Variants in DLG4 observed in about 807,000 individuals in gnomAD.
DLG4 encodes disks large homolog 4.
DLG4 carries 7 observed loss-of-function variants against 93.8 expected under a neutral mutation model. That is an observed-to-expected ratio of 0.07 (90% CI 0.04 to 0.14). The LOEUF (loss-of-function observed/expected upper bound fraction) is 0.14. DLG4 is among the 10% of genes least tolerant of loss of function. The pLI, the probability that DLG4 is intolerant of heterozygous loss-of-function variation, is 1.00. For synonymous variants in DLG4, 341 were observed against 387.6 expected, an observed-to-expected ratio of 0.88 and a Z score of 1.41; for missense variants, 545 against 992.9, an observed-to-expected ratio of 0.55 and a Z score of 6.06.
chr17:7,188,453 G>C lies in DLG4; in HGVS notation c.*2255C>G, dbSNP rs2069352699. 6.6e-6 allele frequency among the ~76,000 whole-genome samples: 1 copy of C among 152,070 alleles called. No homozygotes were observed. The highest frequency in any genetic ancestry group is 1.5e-5 in the Non-Finnish European group (1 of 68,032). On this transcript the variant is annotated 3_prime_UTR_variant, in exon 20 of 20. Coordinates refer to ENST00000399506, the MANE Select transcript of DLG4 (RefSeq NM_001321075.3). ...CTCTGCCTCAGCCTTACCCACTGGA[G>C]CACCTGAGAATCAGAGAAAGGAATA...
intron 8 of DLG4, 146 bp downstream of exon 8, chr17:7,202,757 T>C (rs897909498): frequency 1.1e-5 from 11 of 995,858 alleles, no homozygotes; most frequent in Non-Finnish European, 1.6e-5. Flanking sequence ...TTTCCATCTC[T>C]TCTCCAACAA....
At chr17:7,219,749 G>A (rs1420889442), upstream of DLG4, 2 of 1,455,470 alleles carry the variant, frequency 1.4e-6, no homozygotes, top group Non-Finnish European at 1.8e-6. Flanking sequence ...AGGTCGGACG[G>A]GCGGGATTAA....
At chr17:7,218,511 C>G, upstream of DLG4, 1 of 1,546,756 alleles carries the variant, frequency 6.5e-7, no homozygotes. Flanking sequence ...CCCTTGGAGG[C>G]CCAGGTCCCT....
In DLG4 at chr17:7,193,777, C is replaced by T. The variant is rs1047409808; in HGVS notation, c.1544-63G>A. ...CAGGGGACCTGGAGCCCTGTCTCCC[C>T]CTTGAGGATATCAAAAGCAACTCAG... On this transcript the variant is annotated intron_variant, in intron 14 of 19. Coordinates refer to ENST00000399506, the MANE Select transcript of DLG4 (RefSeq NM_001321075.3). The surrounding 1 kb of genome is among the most constrained non-coding windows in gnomAD (Gnocchi z 6.7). The T allele has an allele frequency of 6.2e-7, 1 of 1,611,312 alleles. No homozygotes were observed. Among genetic ancestry groups the T allele is most frequent in the South Asian group, 1.1e-5 (1 of 90,536 alleles).
At chr17:7,219,653 A>C (rs1597513750), upstream of DLG4, 1 of 1,275,432 alleles carries the variant, frequency 7.8e-7, no homozygotes, top group Non-Finnish European at 1.0e-6. Context: ...CCTTCAGTCC[A>C]CCTCCATCCC....
Position 7,203,433 on chromosome 17 carries a change from C to T in DLG4, c.496G>A (p.Gly166Arg). Residue 166 changes from glycine (G) to arginine (R), a missense_variant, in exon 6 of 20, where the codon GGG (glycine) becomes AGG (arginine). This residue lies in a region of DLG4 where 5 missense variants were observed against 27.6 expected (regional missense o/e 0.18). Coordinates refer to ENST00000399506, the MANE Select transcript of DLG4 (RefSeq NM_001321075.3). This position sits in a 1 kb window ranked among gnomAD's most constrained non-coding sequence, Gnocchi z 7.2. Reference protein sequence around the residue: ...EKVMEIKLIKGPKGLGFSIAG... With the variant: ...EKVMEIKLIKRPKGLGFSIAG... ...CAAAATGAGTTACTACCTTTAGGCC[C>T]CTTGATGAGCTTGATCTCCATGACC... is the stretch of plus-strand genomic sequence containing the variant. 6.2e-7 allele frequency: 1 copy of T among 1,607,376 alleles called. No individual in the cohort carries two copies. Among genetic ancestry groups the T allele is most frequent in the Non-Finnish European group, 8.5e-7 (1 of 1,174,476 alleles).
At chr17:7,197,604 C>G (rs1453546811) in intron 8 of DLG4, among the ~76,000 whole-genome samples, 6 of 152,116 alleles carry the variant, frequency 3.9e-5, no homozygotes, top group Non-Finnish European at 5.9e-5. Flanking sequence ...CATGCCTCAG[C>G]CTCCCAAGTA....
chr17:7,199,105 G>C (rs938081142), intron 8 of DLG4, among the ~76,000 whole-genome samples: 9 of 152,172 alleles, frequency 5.9e-5, no homozygotes, highest in Non-Finnish European at 1.2e-4. Context: ...ACATGAAAGG[G>C]AGGATAAATG....
At position 7,196,729 on chromosome 17, in the gene DLG4, G is replaced by A. The variant is rs2069809797; in HGVS notation, c.1083+28C>T. On this transcript the variant is annotated intron_variant, in intron 9 of 19. Coordinates refer to ENST00000399506, the MANE Select transcript of DLG4 (RefSeq NM_001321075.3). The surrounding 1 kb of genome is among the most constrained non-coding windows in gnomAD (Gnocchi z 8.3). ...CGCTCTGCCCTGTGGGGAGGGGGTG[G>A]TGCAGGTAGGGGCAGGCCTTCCCTC... The A allele has an allele frequency of 1.3e-6, 2 of 1,588,538 alleles. No homozygotes were observed. Among genetic ancestry groups the A allele is most frequent in the South Asian group, 1.1e-5 (1 of 88,272 alleles).
At position 7,217,264 on chromosome 17, in the gene DLG4, C is replaced by G; in HGVS notation, c.-117G>C. The G allele has an allele frequency of 8.1e-7, 1 of 1,233,502 alleles. No homozygotes were observed. 76.4% of individuals were successfully genotyped at this position (1,233,502 alleles called of 1,614,324 possible). On this transcript the variant is annotated 5_prime_UTR_variant, in exon 1 of 20. Transcript: ENST00000399506. The stretch of plus-strand genomic sequence containing the variant: ...CCGCACCCCACTTTTGCAGGGGGGG[C>G]CAGGATGGGGGGAGGGGTGAGAGGG...
Position 7,191,656 on chromosome 17 carries a change from T to G in DLG4, c.1976+237A>C. On this transcript the variant is annotated intron_variant, in intron 18 of 19. Coordinates refer to ENST00000399506, the MANE Select transcript of DLG4 (RefSeq NM_001321075.3). The surrounding 1 kb of genome is among the most constrained non-coding windows in gnomAD (Gnocchi z 6.6). ...TCCCAACAGCCCTAGAGGCCCTGAC[T>G]CGCCCCAGCTGGTATGCCCCAGGGG... is the stretch of plus-strand genomic sequence containing the variant. 1 of 585,030 alleles carries G rather than the reference T, an allele frequency of 1.7e-6. No individual in the cohort carries two copies. Among genetic ancestry groups the G allele is most frequent in the East Asian group, 2.8e-5 (1 of 35,802 alleles). The allele number at this position is 585,030 out of a possible 1,614,324, so 36.2% of individuals were successfully genotyped here. A position where few individuals can be genotyped will look rare whatever the true frequency, so the allele number is the denominator to read the frequency against.
At chr17:7,202,263 T>G (rs1351020646) in intron 8 of DLG4, among the ~76,000 whole-genome samples, 1 of 152,108 alleles carries the variant, frequency 6.6e-6, no homozygotes, top group East Asian at 1.9e-4. Context: ...AGGATCTCGC[T>G]TTGTTGCCTA....
chr17:7,218,637 G>C, upstream of DLG4: 1 of 1,560,082 alleles, frequency 6.4e-7, no homozygotes, highest in Non-Finnish European at 8.7e-7. Flanking sequence ...GCTGACCTGG[G>C]AGCTAGTGAG....
intron 2 of DLG4, among the ~76,000 whole-genome samples, chr17:7,207,773 ACACACG>A (rs1446109640): frequency 6.6e-6 from 1 of 151,112 alleles, no homozygotes; most frequent in Non-Finnish European, 1.5e-5. Flanking sequence ...GCATGCATGC[ACACACG>A]CACAGGCACA....
At chr17:7,210,770 T>G (rs2070674622) in intron 1 of DLG4, among the ~76,000 whole-genome samples, 1 of 152,096 alleles carries the variant, frequency 6.6e-6, no homozygotes, top group Admixed American at 6.5e-5. Flanking sequence ...CCTCTCCATC[T>G]TCACTCCACC....
chr17:7,194,591 C>T lies in DLG4; in HGVS notation c.1302-96G>A. The stretch of plus-strand genomic sequence containing the variant: ...ACCCGGCCCAGAGGTCTGCAGATGG[C>T]ACTCCCATGGGAGCTATGGATGCCG... On this transcript the variant is annotated intron_variant, in intron 11 of 19. Coordinates refer to ENST00000399506, the MANE Select transcript of DLG4 (RefSeq NM_001321075.3). The surrounding 1 kb of genome is among the most constrained non-coding windows in gnomAD (Gnocchi z 4.4). The T allele has an allele frequency of 7.4e-7, 1 of 1,359,828 alleles. No homozygotes were observed. Among genetic ancestry groups the T allele is most frequent in the Non-Finnish European group, 1.0e-6 (1 of 1,002,704 alleles). 84.2% of individuals were successfully genotyped at this position (1,359,828 alleles called of 1,614,324 possible).
rs914722489 is a variant in DLG4, at chr17:7,187,504, C to T, written c.*3204G>A. On this transcript the variant is annotated 3_prime_UTR_variant, in exon 20 of 20. Transcript: ENST00000399506. Reference sequence around the variant, plus strand: ...GAGGTTGCAGTGAGCAGAGATCGCACCACTGCACTCCAGCCTGGGCAACAA... The same window carrying T: ...GAGGTTGCAGTGAGCAGAGATCGCATCACTGCACTCCAGCCTGGGCAACAA... Among the ~76,000 whole-genome samples, 1 of 151,692 alleles carries T rather than the reference C, an allele frequency of 6.6e-6. No homozygotes were observed. Among genetic ancestry groups the T allele is most frequent in the African/African-American group, 2.4e-5 (1 of 41,262 alleles).
In DLG4 at chr17:7,196,370, C is replaced by T. The variant is rs2069782283; in HGVS notation, c.1187-36G>A. 6.2e-7 allele frequency: 1 copy of T among 1,609,880 alleles called. No individual in the cohort carries two copies. The highest frequency in any genetic ancestry group is 1.1e-5 in the South Asian group (1 of 90,968). Reference sequence around the variant, plus strand: ...ACAGGGAGGTTTCTGAGCTCTGTCCCCATCCTACTGTCACCCCTGTCCTCC... The same window carrying T: ...ACAGGGAGGTTTCTGAGCTCTGTCCTCATCCTACTGTCACCCCTGTCCTCC... On this transcript the variant is annotated intron_variant, in intron 10 of 19. Coordinates refer to ENST00000399506, the MANE Select transcript of DLG4 (RefSeq NM_001321075.3). This position sits in a 1 kb window ranked among gnomAD's most constrained non-coding sequence, Gnocchi z 8.3.
chr17:7,201,852 G>A (rs1567539029), intron 8 of DLG4, among the ~76,000 whole-genome samples: 1 of 152,170 alleles, frequency 6.6e-6, no homozygotes, highest in Non-Finnish European at 1.5e-5. Flanking sequence ...CTGCACTCCA[G>A]CCTGGGCAAG....
Sources: gnomAD v4.1 joint callset for allele counts (sites outside exome capture counted in the v4.1 genomes callset) on GRCh38, gnomAD v4.1.1 for gene constraint, gnomAD v4.1.1 regional missense constraint, Gnocchi (gnomAD v3.1) non-coding constraint, MANE v1.5 for transcripts, NCBI Gene and HGNC (gene_info 2026-07-23, HGNC 2026-07-21) for gene names.